TMEM65: variants seen among roughly 807,000 people sequenced by gnomAD.
TMEM65 encodes transmembrane protein 65.
TMEM65 carries 22 observed loss-of-function variants against 25.4 expected under a neutral mutation model. The ratio of observed to expected loss-of-function variants is 0.86; its 90% CI spans 0.62 to 1.23. The LOEUF (loss-of-function observed/expected upper bound fraction) is 1.23. TMEM65 is among the 50% of genes most tolerant of loss of function. The pLI is 0.00. For missense variants in TMEM65, 262 were observed against 308.2 expected (o/e 0.85, Z 1.12); for synonymous variants, 132 against 126.2 (o/e 1.05, Z -0.31).
intron 3 of TMEM65, 146 bp from the exon 4 acceptor site, chr8:124,323,521 G>T: frequency 2.8e-6 from 1 of 352,774 alleles, no homozygotes; most frequent in Non-Finnish European, 5.3e-6. Context: ...ATATAATATA[G>T]TAATTCATTA....
rs1814175867 is a variant in TMEM65, at chr8:124,312,491, GT to G, written c.*1468del. The stretch of plus-strand genomic sequence containing the variant: ...AAATAAAACCTTAAAATAAACTGCT[GT>G]AAAACCTCTGCATCTATTTAGCAAC... On this transcript the variant is annotated 3_prime_UTR_variant, in exon 7 of 7. Transcript: ENST00000297632. 6.6e-6 allele frequency: 1 copy of G among 151,878 alleles called. No homozygotes were observed. The highest frequency in any genetic ancestry group is 1.5e-5 in the Non-Finnish European group (1 of 67,864). 9.4% of individuals were successfully genotyped at this position (151,878 alleles called of 1,614,324 possible).
Position 124,371,895 on chromosome 8 carries a change from A to G in TMEM65, c.263T>C (p.Leu88Pro), listed in dbSNP as rs1199426965. The change falls in exon 1 of 7, where the codon CTC (leucine) becomes CCC (proline). Residue 88 changes from leucine to proline, a missense_variant. Coordinates refer to ENST00000297632, the MANE Select transcript of TMEM65 (RefSeq NM_194291.3). ...SLHSTERSCL[L>P]KELHRFESIA... Reference sequence around the variant, plus strand: ...AGACTCGAAGCGGTGCAGCTCTTTGAGCAGGCAGCTCCTCTCCGTGGAGTG... The same window carrying G: ...AGACTCGAAGCGGTGCAGCTCTTTGGGCAGGCAGCTCCTCTCCGTGGAGTG... The G allele has an allele frequency of 3.2e-6, 5 of 1,550,586 alleles. No homozygotes were observed. Among genetic ancestry groups the G allele is most frequent in the Non-Finnish European group, 4.3e-6 (5 of 1,153,132 alleles).
In TMEM65 at chr8:124,327,404, T is replaced by C; in HGVS notation, c.367A>G (p.Ile123Val). ...QLRYVFIHNA[I>V]PFIGFGFLDN... The stretch of plus-strand genomic sequence containing the variant: ...AAAAAGCCAAACCCTATGAAAGGTA[T>C]CGCATTGTGGATGAATACTGAAAAA... The change falls in exon 3 of 7, where the codon ATA (isoleucine) becomes GTA (valine). Residue 123 changes from isoleucine to valine, a missense_variant. Coordinates refer to ENST00000297632, the MANE Select transcript of TMEM65 (RefSeq NM_194291.3). 6.3e-7 allele frequency: 1 copy of C among 1,598,682 alleles called. No homozygotes were observed. The highest frequency in any genetic ancestry group is 8.5e-7 in the Non-Finnish European group (1 of 1,173,630).
chr8:124,356,752 G>A (rs1294565129), intron 1 of TMEM65, among the ~76,000 whole-genome samples: 1 of 152,094 alleles, frequency 6.6e-6, no homozygotes, highest in African/African-American at 2.4e-5. Context: ...CTGTCACACA[G>A]GCTGGAGTGT....
intron 4 of TMEM65, 40 bp downstream of exon 4, chr8:124,323,281 A>T: frequency 8.9e-7 from 1 of 1,121,322 alleles, no homozygotes; most frequent in Non-Finnish European, 1.3e-6. Flanking sequence ...ATGTTTTATA[A>T]GTGTACAATG....
chr8:124,352,226 T>C (rs1814719135), intron 1 of TMEM65, among the ~76,000 whole-genome samples: 1 of 152,174 alleles, frequency 6.6e-6, no homozygotes, highest in Admixed American at 6.6e-5. Flanking sequence ...ACTGAGTTGT[T>C]GGGAACTGGT....
intron 1 of TMEM65, among the ~76,000 whole-genome samples, chr8:124,348,640 T>C (rs1217832193): frequency 3.3e-5 from 5 of 152,186 alleles, no homozygotes; most frequent in Non-Finnish European, 5.9e-5. Context: ...TCATAAATGG[T>C]AGATCTGTGA....
At chr8:124,334,198 T>A (rs1814473419) in intron 1 of TMEM65, among the ~76,000 whole-genome samples, 1 of 152,098 alleles carries the variant, frequency 6.6e-6, no homozygotes, top group Non-Finnish European at 1.5e-5. Flanking sequence ...ATTACAGGAA[T>A]AACTAGGATA....
chr8:124,339,071 C>T (rs1487263455), intron 1 of TMEM65, among the ~76,000 whole-genome samples: 1 of 150,672 alleles, frequency 6.6e-6, no homozygotes, highest in Non-Finnish European at 1.5e-5. Context: ...CGCCTGTAGT[C>T]CCAGCTACTC....
In TMEM65 at chr8:124,312,309, T is replaced by G. The variant is rs562151857; in HGVS notation, c.*1651A>C. 7 of 152,174 alleles carry G rather than the reference T, an allele frequency of 4.6e-5. No homozygotes were observed. Among genetic ancestry groups the G allele is most frequent in the African/African-American group, 1.7e-4 (7 of 41,560 alleles). The allele number at this position is 152,174 out of a possible 1,614,324, so 9.4% of individuals were successfully genotyped here. ...TCACATTATTTGTGCATGTTATATA[T>G]TTATTTTTAGATTATATGCTATATT... is the stretch of plus-strand genomic sequence containing the variant. On this transcript the variant is annotated 3_prime_UTR_variant, in exon 7 of 7. Transcript: ENST00000297632.
intron 1 of TMEM65, among the ~76,000 whole-genome samples, chr8:124,353,972 T>C (rs1473006899): frequency 6.6e-6 from 1 of 152,150 alleles, no homozygotes; most frequent in Non-Finnish European, 1.5e-5. Context: ...ACGTCCAAAG[T>C]TAACATCACC....
intron 1 of TMEM65, among the ~76,000 whole-genome samples, chr8:124,360,183 C>A (rs920288815): frequency 3.9e-5 from 6 of 152,082 alleles, no homozygotes; most frequent in African/African-American, 1.2e-4. Flanking sequence ...GTAATCCCAG[C>A]ACTTTGGGAG....
intron 1 of TMEM65, among the ~76,000 whole-genome samples, chr8:124,335,710 C>A (rs1455138351): frequency 6.6e-6 from 1 of 151,932 alleles, no homozygotes; most frequent in African/African-American, 2.4e-5. Context: ...AGAGTAACTA[C>A]ACATACAGAT....
At chr8:124,341,449 G>A (rs2131213121) in intron 1 of TMEM65, among the ~76,000 whole-genome samples, 1 of 152,104 alleles carries the variant, frequency 6.6e-6, no homozygotes, top group East Asian at 1.9e-4. Context: ...GGTTCCCTGT[G>A]TTAAAACAGT....
In TMEM65 at chr8:124,363,650, A is replaced by G. The variant is rs568102730; in HGVS notation, c.304+8204T>C. Among the ~76,000 whole-genome samples, 19 of 151,978 alleles carry G rather than the reference A, an allele frequency of 1.3e-4. No homozygotes were observed. The East Asian group carries it at 3.7e-3, about 29-fold the overall frequency. ...CAGGAGATCGAGACCATCCCAGCTA[A>G]AACGGTGAAACCCCGTCTCTACTAA... On this transcript the variant is annotated intron_variant, in intron 1 of 6. Transcript: ENST00000297632.
chr8:124,361,677 A>T (rs572069373), intron 1 of TMEM65, among the ~76,000 whole-genome samples: 2 of 150,768 alleles, frequency 1.3e-5, no homozygotes, highest in Non-Finnish European at 3.0e-5. Context: ...CTATTTAAAA[A>T]ATACAAAAAT....
chr8:124,358,506 T>A (rs1814814273), intron 1 of TMEM65, among the ~76,000 whole-genome samples: 1 of 152,208 alleles, frequency 6.6e-6, no homozygotes, highest in Admixed American at 6.5e-5. Flanking sequence ...CTCCAATGCA[T>A]TCATAGGTAG....
chr8:124,338,152 C>T (rs920312949), intron 1 of TMEM65, among the ~76,000 whole-genome samples: 1 of 151,898 alleles, frequency 6.6e-6, no homozygotes, highest in African/African-American at 2.4e-5. Flanking sequence ...CTGCCTTTTC[C>T]ACAAAGCATT....
At chr8:124,355,763 G>A (rs1202253303) in intron 1 of TMEM65, among the ~76,000 whole-genome samples, 1 of 152,132 alleles carries the variant, frequency 6.6e-6, no homozygotes, top group Non-Finnish European at 1.5e-5. Flanking sequence ...TCAAAAGAGG[G>A]GCAGGCACCT....
Sources: gnomAD v4.1 joint callset for allele counts (sites outside exome capture counted in the v4.1 genomes callset) on GRCh38, gnomAD v4.1.1 for gene constraint, MANE v1.5 for transcripts, NCBI Gene and HGNC (gene_info 2026-07-23, HGNC 2026-07-21) for gene names.